Variants in GRID2 observed in about 807,000 individuals in gnomAD.
The protein encoded by GRID2 is glutamate receptor ionotropic, delta-2.
A neutral mutation model predicts 114.8 loss-of-function variants in GRID2; 33 were observed. That is an observed-to-expected ratio of 0.29 (90% CI 0.22 to 0.38). GRID2 has a LOEUF of 0.38. Ranked by LOEUF, GRID2 falls within the 10% of genes least tolerant of loss-of-function variation. The probability of loss-of-function intolerance (pLI) is 1.00; values close to 1 mark genes in which losing one functional copy is unlikely to be tolerated. For synonymous variants in GRID2, 505 were observed against 449.9 expected (o/e 1.12, Z -1.55); for missense variants, 1,184 against 1,257.7 (o/e 0.94, Z 0.89).
chr4:93,560,250 A>AAAAAAG (rs1734789739), intron 13 of GRID2, among the ~76,000 whole-genome samples: 2 of 145,650 alleles, frequency 1.4e-5, no homozygotes, highest in Admixed American at 6.9e-5. Flanking sequence ...AAAAAAAAAA[A>AAAAAAG]AAACAGAAAG....
chr4:92,762,976 T>C (rs1199941659), intron 2 of GRID2, among the ~76,000 whole-genome samples: 5 of 152,154 alleles, frequency 3.3e-5, no homozygotes, highest in Non-Finnish European at 1.5e-5. Flanking sequence ...GTTTACTACA[T>C]AGTTATTGAG....
At chr4:92,945,319 A>G (rs1052947630) in intron 2 of GRID2, among the ~76,000 whole-genome samples, 2 of 152,174 alleles carry the variant, frequency 1.3e-5, no homozygotes, top group Admixed American at 1.3e-4. Context: ...CTATTATTTT[A>G]TGGAATCCAA....
At chr4:93,112,911 G>C (rs1560892397) in intron 4 of GRID2, among the ~76,000 whole-genome samples, 1 of 152,232 alleles carries the variant, frequency 6.6e-6, no homozygotes, top group Middle Eastern at 3.4e-3. Context: ...GTTTGGATGA[G>C]GGTTCACCCT....
intron 1 of GRID2, among the ~76,000 whole-genome samples, chr4:92,308,750 T>C (rs1157460157): frequency 6.6e-6 from 1 of 151,988 alleles, no homozygotes; most frequent in Admixed American, 6.6e-5. Flanking sequence ...TTTTTTTTTT[T>C]CAGTTGACTA....
intron 14 of GRID2, among the ~76,000 whole-genome samples, chr4:93,658,041 G>T (rs1723169852): frequency 6.6e-6 from 1 of 152,162 alleles, no homozygotes; most frequent in African/African-American, 2.4e-5. Context: ...AAAGGTTATT[G>T]CTCTTACCTT....
intron 2 of GRID2, among the ~76,000 whole-genome samples, chr4:92,700,832 A>G (rs1010136931): frequency 1.3e-5 from 2 of 152,080 alleles, no homozygotes; most frequent in Non-Finnish European, 2.9e-5. Flanking sequence ...CTCTGCTACA[A>G]ATACAAAAAA....
At chr4:93,510,834 A>C (rs762362914) in intron 12 of GRID2, among the ~76,000 whole-genome samples, 9 of 152,234 alleles carry the variant, frequency 5.9e-5, no homozygotes, top group African/African-American at 1.9e-4. Flanking sequence ...GATTTGACAG[A>C]TATGCTTGAC....
At chr4:92,895,675 A>G (rs114994291) in intron 2 of GRID2, among the ~76,000 whole-genome samples, 235 of 152,208 alleles carry the variant, frequency 1.5e-3, no homozygotes, top group African/African-American at 5.1e-3. Flanking sequence ...AAGTTCTACT[A>G]TCTGTTACTC....
chr4:93,602,662 C>T (rs903719479), intron 13 of GRID2, among the ~76,000 whole-genome samples: 2 of 152,204 alleles, frequency 1.3e-5, no homozygotes, highest in Non-Finnish European at 2.9e-5. Flanking sequence ...TGACAGTTTA[C>T]TCATTTCTCT....
chr4:92,831,715 G>A (rs572857675), intron 2 of GRID2, among the ~76,000 whole-genome samples: 50 of 152,048 alleles, frequency 3.3e-4, no homozygotes, highest in Middle Eastern at 3.4e-3. Context: ...AAGTTAGCTG[G>A]GGGTGGTGGT....
At chr4:92,845,622 C>T (rs1219094300) in intron 2 of GRID2, among the ~76,000 whole-genome samples, 1 of 152,102 alleles carries the variant, frequency 6.6e-6, no homozygotes, top group Non-Finnish European at 1.5e-5. Context: ...TCCTTTTACA[C>T]TCCCTACGAG....
chr4:93,202,727 TC>T (rs2149462898), intron 4 of GRID2, among the ~76,000 whole-genome samples: 1 of 150,654 alleles, frequency 6.6e-6, no homozygotes, highest in South Asian at 2.1e-4. Flanking sequence ...ATAGTTGTCT[TC>T]TGTTATCTAC....
chr4:93,717,948 A>ATGT (rs1257853480), intron 14 of GRID2, among the ~76,000 whole-genome samples: 1 of 152,154 alleles, frequency 6.6e-6, no homozygotes, highest in African/African-American at 2.4e-5. Flanking sequence ...AAAGAATATG[A>ATGT]TGTTGTTAAG....
chr4:92,326,948 A>G (rs1344194387), intron 1 of GRID2, among the ~76,000 whole-genome samples: 1 of 151,894 alleles, frequency 6.6e-6, no homozygotes, highest in Non-Finnish European at 1.5e-5. Flanking sequence ...ACAAGAAGCC[A>G]CATTCTTTCC....
chr4:93,557,783 A>G (rs910995522), intron 13 of GRID2, among the ~76,000 whole-genome samples: 7 of 152,220 alleles, frequency 4.6e-5, no homozygotes, highest in Admixed American at 4.6e-4. Context: ...AACAGAACAT[A>G]CATTCTTCCC....
At chr4:92,953,303 T>A (rs959035007) in intron 2 of GRID2, among the ~76,000 whole-genome samples, 3 of 152,154 alleles carry the variant, frequency 2.0e-5, no homozygotes, top group African/African-American at 7.2e-5. Flanking sequence ...TGTCGAAAAG[T>A]AAGCTCTGTG....
At chr4:93,063,502 A>G (rs939490429) in intron 2 of GRID2, among the ~76,000 whole-genome samples, 1 of 151,884 alleles carries the variant, frequency 6.6e-6, no homozygotes, top group African/African-American at 2.4e-5. Context: ...CAGCCTATAC[A>G]TGGATATACT....
intron 2 of GRID2, among the ~76,000 whole-genome samples, chr4:92,888,751 T>G (rs957099898): frequency 2.6e-5 from 4 of 151,832 alleles, no homozygotes; most frequent in Non-Finnish European, 5.9e-5. Context: ...TCAAACATTT[T>G]TATAATATGT....
chr4:92,459,572 T>A (rs1404616218), intron 1 of GRID2, among the ~76,000 whole-genome samples: 1 of 152,144 alleles, frequency 6.6e-6, no homozygotes. Context: ...ATTCTCTCCT[T>A]TCCTTTCTAT....
Sources: gnomAD v4.1 joint callset for allele counts (sites outside exome capture counted in the v4.1 genomes callset) on GRCh38, gnomAD v4.1.1 for gene constraint, MANE v1.5 for transcripts, NCBI Gene and HGNC (gene_info 2026-07-23, HGNC 2026-07-21) for gene names.